P2RX3: variants seen among roughly 807,000 people sequenced by gnomAD.
P2RX3 encodes P2X purinoceptor 3.
P2RX3 carries 41 observed loss-of-function variants against 51.5 expected under a neutral mutation model. The ratio of observed to expected loss-of-function variants is 0.80; its 90% CI spans 0.62 to 1.03. The LOEUF is 1.03. P2RX3 is among the 50% of genes least tolerant of loss of function. P2RX3 has a pLI of 0.00. For missense variants in P2RX3, 459 were observed against 522.1 expected, an observed-to-expected ratio of 0.88 and a Z score of 1.18; for synonymous variants, 185 against 191.6, an observed-to-expected ratio of 0.97 and a Z score of 0.29.
At chr11:57,344,998 C>G (rs1856406345) in intron 1 of P2RX3, among the ~76,000 whole-genome samples, 1 of 152,318 alleles carries the variant, frequency 6.6e-6, no homozygotes, top group East Asian at 1.9e-4. Flanking sequence ...AAGGGGCCTC[C>G]TCTCAGCACA....
At position 57,372,152 on chromosome 11, in the gene P2RX3, G is replaced by A. The variant is rs186301748; in HGVS notation, c.*2155G>A. Among the ~76,000 whole-genome samples, 3 of 152,278 alleles carry A rather than the reference G, an allele frequency of 2.0e-5. No individual in the cohort carries two copies. The highest frequency in any genetic ancestry group is 2.1e-4 in the South Asian group (1 of 4,822). On this transcript the variant is annotated 3_prime_UTR_variant, in exon 12 of 12. Coordinates refer to ENST00000263314, the MANE Select transcript of P2RX3 (RefSeq NM_002559.5). Reference sequence around the variant, plus strand: ...CCCTCACACCAACGCTGGTGAGTCCGCTATGGTTTGTCATTAATCCTATTT... The same window carrying A: ...CCCTCACACCAACGCTGGTGAGTCCACTATGGTTTGTCATTAATCCTATTT...
chr11:57,365,807 T>C (rs1280462530), intron 8 of P2RX3, among the ~76,000 whole-genome samples: 1 of 152,236 alleles, frequency 6.6e-6, no homozygotes, highest in Non-Finnish European at 1.5e-5. Flanking sequence ...GCATACGTTC[T>C]CCTTCCCCAT....
Position 57,369,876 on chromosome 11 carries a change from G to C in P2RX3, c.1081-8G>C. 1 of 1,591,366 alleles carries C rather than the reference G, an allele frequency of 6.3e-7. No individual in the cohort carries two copies. The highest frequency in any genetic ancestry group is 8.6e-7 in the Non-Finnish European group (1 of 1,159,846). ...AGAACTTGACAACACCAGCTCTTTC[G>C]CCTGCAGGTGAATGAGACTACGCTG... On this transcript the variant is annotated splice_region_variant and splice_polypyrimidine_tract_variant and intron_variant, in intron 11 of 11. Coordinates refer to ENST00000263314, the MANE Select transcript of P2RX3 (RefSeq NM_002559.5).
intron 6 of P2RX3, 61 bp from the exon 7 acceptor site, chr11:57,349,696 G>T (rs958374330): frequency 7.6e-5 from 122 of 1,607,022 alleles, no homozygotes; most frequent in Non-Finnish European, 8.2e-5. Flanking sequence ...GGCGGGGAGA[G>T]ATTGCACAAG....
At chr11:57,347,058 C>A in intron 2 of P2RX3, 58 bp from the exon 3 acceptor site, 1 of 1,483,272 alleles carries the variant, frequency 6.7e-7, no homozygotes, top group Non-Finnish European at 9.4e-7. Flanking sequence ...CAGTTATAGT[C>A]CCTGTCTCAC....
At chr11:57,369,754 A>G (rs1057362293) in intron 11 of P2RX3, 130 bp from the exon 12 acceptor site, 52 of 704,710 alleles carry the variant, frequency 7.4e-5, no homozygotes, top group Non-Finnish European at 1.3e-4. Flanking sequence ...GGGCCTTGGG[A>G]TCACACAGAT....
At chr11:57,344,204 C>A (rs938723997) in intron 1 of P2RX3, among the ~76,000 whole-genome samples, 2 of 152,126 alleles carry the variant, frequency 1.3e-5, no homozygotes, top group African/African-American at 4.8e-5. Context: ...GGGTTTGAAG[C>A]CATATGCTGG....
At position 57,346,588 on chromosome 11, in the gene P2RX3, C is replaced by A; in HGVS notation, c.164C>A (p.Ala55Asp). The A allele has an allele frequency of 6.2e-7, 1 of 1,614,158 alleles. No individual in the cohort carries two copies. Among genetic ancestry groups the A allele is most frequent in the Non-Finnish European group, 8.5e-7 (1 of 1,180,042 alleles). ...AAGGCTTACCAGGTACGGGACACAG[C>A]CATTGAGTCCTCGGTGGTAACCAAG... is the stretch of plus-strand genomic sequence containing the variant. The part of the protein sequence containing the change: ...HEKAYQVRDT[A>D]IESSVVTKVK... Residue 55 changes from alanine (A) to aspartate (D), a missense_variant, in exon 2 of 12, where the codon GCC (alanine) becomes GAC (aspartate). Ala to Asp is a moderately radical substitution (Grantham distance 126). Coordinates refer to ENST00000263314, the MANE Select transcript of P2RX3 (RefSeq NM_002559.5).
rs1318919711 is a variant in P2RX3 at position 57,347,466 on chromosome 11, T to C, written c.379T>C (p.Leu127=). The C allele has an allele frequency of 6.4e-7, 1 of 1,557,042 alleles. No homozygotes were observed. The highest frequency in any genetic ancestry group is 2.4e-5 in the East Asian group (1 of 41,346). The change falls in exon 4 of 12, where the codon TTG becomes CTG. Residue 127 remains leucine, a synonymous_variant. Transcript: ENST00000263314. ...AGACAGCCAGTGCGGGCCTGAGCGC[T>C]TGCCAGGTGGGGGTGAGTCCAGCCC... ...VSDSQCGPER[L]PGGGILTGRC... is the part of the protein sequence containing the mutation.
In P2RX3 at chr11:57,370,000, C is replaced by T; in HGVS notation, c.*3C>T. On this transcript the variant is annotated 3_prime_UTR_variant, in exon 12 of 12. Coordinates refer to ENST00000263314, the MANE Select transcript of P2RX3 (RefSeq NM_002559.5). ...GGGCCTTCTCCATAGGCCACTAGGG[C>T]CTCTTTCCAGGGCCCCACACTCACA... 3 of 1,603,610 alleles carry T rather than the reference C, an allele frequency of 1.9e-6. No individual in the cohort carries two copies. The highest frequency in any genetic ancestry group is 2.6e-6 in the Non-Finnish European group (3 of 1,170,998).
rs1394830205 is a variant in P2RX3, at chr11:57,367,906, G to A, written c.843-103G>A. 4.7e-6 allele frequency: 4 copies of A among 848,304 alleles called. No individual in the cohort carries two copies. In the African/African-American group the frequency reaches 5.0e-5, roughly 11 times the overall value. 52.5% of individuals were successfully genotyped at this position (848,304 alleles called of 1,614,324 possible). A position where few individuals can be genotyped will look rare whatever the true frequency, so the allele number is the denominator to read the frequency against. ...GTTGTCTCAGCAAACCGTAAGTAAG[G>A]GTTGCTCAGTGAGCCAAGACACAGG... On this transcript the variant is annotated intron_variant, in intron 8 of 11. Transcript: ENST00000263314.
intron 8 of P2RX3, among the ~76,000 whole-genome samples, chr11:57,361,524 A>G (rs1052493096): frequency 6.6e-6 from 1 of 152,132 alleles, no homozygotes; most frequent in Non-Finnish European, 1.5e-5. Flanking sequence ...GCTCCCACTT[A>G]TGAATGATAA....
At chr11:57,368,233 C>A in intron 9 of P2RX3, 131 bp downstream of exon 9, 2 of 1,297,582 alleles carry the variant, frequency 1.5e-6, no homozygotes, top group Middle Eastern at 2.0e-4. Flanking sequence ...GTGGGTCACT[C>A]TCCCATCAAT....
intron 1 of P2RX3, among the ~76,000 whole-genome samples, chr11:57,338,984 T>C (rs934097955): frequency 1.2e-4 from 19 of 152,098 alleles, no homozygotes. Flanking sequence ...ATCTCCACCC[T>C]CCCTGCTCTC....
chr11:57,354,222 C>G (rs1856592907), intron 8 of P2RX3, among the ~76,000 whole-genome samples: 1 of 152,158 alleles, frequency 6.6e-6, no homozygotes, highest in African/African-American at 2.4e-5. Flanking sequence ...GCTGTCCATG[C>G]AAGTTAATCT....
rs1038675107 is a variant in P2RX3 at position 57,347,398 on chromosome 11, G to A, written c.328-17G>A. The A allele has an allele frequency of 5.8e-6, 9 of 1,556,444 alleles. No individual in the cohort carries two copies. The Admixed American group carries it at 7.7e-5, about 13-fold the overall frequency. On this transcript the variant is annotated splice_polypyrimidine_tract_variant and intron_variant, in intron 3 of 11. Transcript: ENST00000263314. ...AGGACAGTGTCCTTCACCAACCTGT[G>A]ACCCGTCTGCCCACAGAGTGAGGAG...
In P2RX3 at chr11:57,366,710, G is replaced by C. The variant is rs141527850; in HGVS notation, c.843-1299G>C. On this transcript the variant is annotated intron_variant, in intron 8 of 11. Coordinates refer to ENST00000263314, the MANE Select transcript of P2RX3 (RefSeq NM_002559.5). ...AGAGGCTGAGAAGTCCAAGGCTGTG[G>C]AGCCAGACGCATCTGGTGAGTCTTC... Among the ~76,000 whole-genome samples the C allele has an allele frequency of 4.4e-3, 663 of 152,278 alleles. 9 individuals carry two copies. The highest frequency in any genetic ancestry group is 0.015 in the African/African-American group (629 of 41,558).
Position 57,348,335 on chromosome 11 carries a change from C to T in P2RX3, c.485+72C>T, listed in dbSNP as rs563396836. The T allele has an allele frequency of 2.8e-4, 378 of 1,347,650 alleles. No individual in the cohort carries two copies. The African/African-American group carries it at 4.6e-3, about 16-fold the overall frequency. The allele number at this position is 1,347,650 out of a possible 1,614,324, so 83.5% of individuals were successfully genotyped here. A position where few individuals can be genotyped will look rare whatever the true frequency, so the allele number is the denominator to read the frequency against. On this transcript the variant is annotated intron_variant, in intron 5 of 11. Coordinates refer to ENST00000263314, the MANE Select transcript of P2RX3 (RefSeq NM_002559.5). Reference sequence around the variant, plus strand: ...CCCCTTTGCCCATGTGGGAGCCGTGCGTCTCTGAGCTTGAGGAGGGTCTGT... The same window carrying T: ...CCCCTTTGCCCATGTGGGAGCCGTGTGTCTCTGAGCTTGAGGAGGGTCTGT...
intron 1 of P2RX3, among the ~76,000 whole-genome samples, chr11:57,346,202 A>C (rs1026110706): frequency 1.3e-5 from 2 of 152,202 alleles, no homozygotes; most frequent in Non-Finnish European, 2.9e-5. Flanking sequence ...TATGGCCCCC[A>C]AGGAGGTGAA....
Sources: allele counts gnomAD v4.1 joint callset (sites outside exome capture counted in the v4.1 genomes callset), GRCh38; gene constraint gnomAD v4.1.1; transcripts MANE v1.5; gene names NCBI Gene and HGNC (gene_info 2026-07-23, HGNC 2026-07-21).